Variants in NUF2 observed in about 807,000 individuals in gnomAD.
The protein encoded by NUF2 is NUF2 component of NDC80 kinetochore complex.
NUF2 carries 34 observed loss-of-function variants against 61.8 expected under a neutral mutation model. That is an observed-to-expected ratio of 0.55 (90% CI 0.42 to 0.73). The LOEUF (loss-of-function observed/expected upper bound fraction) is 0.73, where lower values mean the gene tolerates loss of function less well. NUF2 is among the 30% of genes least tolerant of loss of function. The pLI is 0.00. For synonymous variants in NUF2, 172 were observed against 181.6 expected, an observed-to-expected ratio of 0.95 and a Z score of 0.42; for missense variants, 445 against 539.1, an observed-to-expected ratio of 0.83 and a Z score of 1.73.
chr1:163,322,717 T>A (rs1474890042), intron 1 of NUF2: 2 of 152,216 alleles, frequency 1.3e-5, no homozygotes, highest in East Asian at 3.8e-4. Flanking sequence ...TTTAACAGAG[T>A]ACTTTTAGTA....
At position 163,324,900 on chromosome 1, in the gene NUF2, C is replaced by CTTTTTTTTTTTTTTT. The variant is rs67548511; in HGVS notation, c.-20-1128_-20-1114dup. 1.6e-5 allele frequency among the ~76,000 whole-genome samples: 2 copies of CTTTTTTTTTTTTTTT among 122,974 alleles called. 1 individual carries two copies. Among genetic ancestry groups the CTTTTTTTTTTTTTTT allele is most frequent in the Non-Finnish European group, 3.5e-5 (2 of 57,758 alleles). 80.7% of individuals were successfully genotyped at this position (122,974 alleles called of 152,430 possible). On this transcript the variant is annotated intron_variant, in intron 1 of 13. Coordinates refer to ENST00000271452, the MANE Select transcript of NUF2 (RefSeq NM_145697.3). Reference sequence around the variant, plus strand: ...GGACAAGGTTTCTTTTCTTTTCTTTCTTTTTTTTTTTTTTTTTTGACACAG... The same window carrying CTTTTTTTTTTTTTTT: ...GGACAAGGTTTCTTTTCTTTTCTTTCTTTTTTTTTTTTTTTTTTTTTTTTTTTTTTTTTGACACAG...
chr1:163,340,233 C>T (rs896315494), intron 8 of NUF2, 131 bp from the exon 9 acceptor site: 2 of 679,422 alleles, frequency 2.9e-6, no homozygotes, highest in African/African-American at 3.7e-5. Flanking sequence ...GCATCATGAA[C>T]AGAGAAAGTT....
chr1:163,322,553 A>G (rs1213577621), intron 1 of NUF2, among the ~76,000 whole-genome samples: 1 of 152,250 alleles, frequency 6.6e-6, no homozygotes, highest in African/African-American at 2.4e-5. Context: ...CTACGCATGC[A>G]TAACGCCATC....
chr1:163,328,859 C>T lies in NUF2; in HGVS notation c.289C>T (p.Pro97Ser). ...NLVTHLDSFL[P>S]ICRVNDFETA... ...TTCATCTTCAAGGGACTCATTTTTG[C>T]CTATCTGCCGGGTGAATGACTTTGA... Residue 97 changes from proline (P) to serine (S), a missense_variant, in exon 5 of 14, where the codon CCT becomes TCT. By Grantham distance (74) the Pro-to-Ser change is moderately conservative. Transcript: ENST00000271452. 1 of 1,603,820 alleles carries T rather than the reference C, an allele frequency of 6.2e-7. No homozygotes were observed. Among genetic ancestry groups the T allele is most frequent in the Non-Finnish European group, 8.5e-7 (1 of 1,172,128 alleles).
intron 11 of NUF2, among the ~76,000 whole-genome samples, chr1:163,347,095 A>C: frequency 6.6e-6 from 1 of 152,250 alleles, no homozygotes; most frequent in East Asian, 1.9e-4. Flanking sequence ...TGATCTTAGC[A>C]TCAGAAAGTT....
At chr1:163,332,801 A>G (rs75571977) in intron 5 of NUF2, among the ~76,000 whole-genome samples, 68 of 152,266 alleles carry the variant, frequency 4.5e-4, no homozygotes, top group African/African-American at 1.5e-3. Context: ...TTCTCATTTC[A>G]AGATCTTCAA....
intron 8 of NUF2, chr1:163,340,161 G>A (rs1367301578): frequency 7.9e-6 from 4 of 505,014 alleles, no homozygotes; most frequent in Non-Finnish European, 1.4e-5. Flanking sequence ...ATAAATACTA[G>A]GCCATTATTT....
rs1261693336 is a variant in NUF2, at chr1:163,345,722, C to T, written c.852C>T (p.Asp284=). The T allele has an allele frequency of 1.2e-6, 2 of 1,612,484 alleles. No homozygotes were observed. The highest frequency in any genetic ancestry group is 2.2e-5 in the East Asian group (1 of 44,802). The part of the protein sequence containing the change: ...EKYEIYGDSV[D]CLPSCQLEVQ... Reference sequence around the variant, plus strand: ...ATGAAATCTATGGAGACTCAGTTGACTGCCTGCCTTCATGTCAGTTGGAAG... The same window carrying T: ...ATGAAATCTATGGAGACTCAGTTGATTGCCTGCCTTCATGTCAGTTGGAAG... Residue 284 remains aspartate, a synonymous_variant, in exon 11 of 14, where the codon GAC becomes GAT. Transcript: ENST00000271452.
At chr1:163,333,798 A>G (rs559518284) in intron 5 of NUF2, among the ~76,000 whole-genome samples, 1 of 152,312 alleles carries the variant, frequency 6.6e-6, no homozygotes, top group South Asian at 2.1e-4. Context: ...TGAAACAGTT[A>G]TCTTTTAAAG....
Position 163,334,837 on chromosome 1 carries a change from G to A in NUF2, c.338-1914G>A, listed in dbSNP as rs984642334. On this transcript the variant is annotated intron_variant, in intron 5 of 13. Coordinates refer to ENST00000271452, the MANE Select transcript of NUF2 (RefSeq NM_145697.3). Reference sequence around the variant, plus strand: ...AAAAGGTGTTTTTCTTGAGCCCTCGGTGGATATGAAAAGTCAACTTTTCAA... The same window carrying A: ...AAAAGGTGTTTTTCTTGAGCCCTCGATGGATATGAAAAGTCAACTTTTCAA... 2.0e-5 allele frequency among the ~76,000 whole-genome samples: 3 copies of A among 152,256 alleles called. No homozygotes were observed. The East Asian group carries it at 5.8e-4, about 29-fold the overall frequency.
chr1:163,348,823 G>A, intron 12 of NUF2, 122 bp from the exon 13 acceptor site: 1 of 1,024,992 alleles, frequency 9.8e-7, no homozygotes, highest in Non-Finnish European at 1.4e-6. Context: ...TTTATATCTT[G>A]AGAAGAGTTT....
chr1:163,328,470 C>T (rs570886360), intron 4 of NUF2, 166 bp downstream of exon 4: 1 of 530,584 alleles, frequency 1.9e-6, no homozygotes, highest in Admixed American at 3.7e-5. Flanking sequence ...TGTCATCAAA[C>T]AGAACTGCCT....
chr1:163,330,582 G>A, intron 5 of NUF2, among the ~76,000 whole-genome samples: 1 of 151,954 alleles, frequency 6.6e-6, no homozygotes, highest in Non-Finnish European at 1.5e-5. Flanking sequence ...TTTCCAGCTT[G>A]TCACTTTCTA....
Position 163,327,512 on chromosome 1 carries a change from A to G in NUF2, c.148A>G (p.Met50Val). ...PKPEVLHMIYMRALQIVYGIR... is the reference protein window; with the variant it reads ...PKPEVLHMIYVRALQIVYGIR... ...GCCTGAAGTCTTGCACATGATCTAC[A>G]TGAGAGCCTTACAAATAGTATATGG... Residue 50 changes from methionine (M) to valine (V), a missense_variant, in exon 3 of 14, where the codon ATG (methionine) becomes GTG (valine). By Grantham distance (21) the Met-to-Val change is conservative (BLOSUM62 1). Coordinates refer to ENST00000271452, the MANE Select transcript of NUF2 (RefSeq NM_145697.3). The G allele has an allele frequency of 6.2e-7, 1 of 1,612,250 alleles. No homozygotes were observed. The highest frequency in any genetic ancestry group is 8.5e-7 in the Non-Finnish European group (1 of 1,178,462).
intron 13 of NUF2, among the ~76,000 whole-genome samples, chr1:163,352,808 G>A (rs1031430402): frequency 1.3e-5 from 2 of 152,074 alleles, no homozygotes; most frequent in African/African-American, 4.8e-5. Flanking sequence ...GGAGCTTGCA[G>A]CGAGCTGAGA....
In NUF2 at chr1:163,322,039, G is replaced by A. The variant is rs1181074932; in HGVS notation, c.-194G>A. On this transcript the variant is annotated 5_prime_UTR_variant, in exon 1 of 14. Coordinates refer to ENST00000271452, the MANE Select transcript of NUF2 (RefSeq NM_145697.3). ...CTTGTAGCTGCTCCCCGAACTCGCC[G>A]TCTTCCTGTCGGCGGCCGGCACTGT... The A allele has an allele frequency of 1.3e-5, 2 of 152,276 alleles. No homozygotes were observed. Among genetic ancestry groups the A allele is most frequent in the African/African-American group, 2.4e-5 (1 of 41,448 alleles). 9.4% of individuals were successfully genotyped at this position (152,276 alleles called of 1,614,324 possible).
At chr1:163,335,145 G>A (rs1650715459) in intron 5 of NUF2, among the ~76,000 whole-genome samples, 1 of 151,954 alleles carries the variant, frequency 6.6e-6, no homozygotes, top group Non-Finnish European at 1.5e-5. Context: ...GTAGAGAAGG[G>A]GTTTCATCAT....
intron 9 of NUF2, 147 bp from the exon 10 acceptor site, chr1:163,343,586 C>G: frequency 5.5e-6 from 2 of 364,830 alleles, no homozygotes; most frequent in Non-Finnish European, 1.0e-5. Context: ...CAAATGTGAG[C>G]AATTAAGTAG....
chr1:163,324,900 C>CTTTCTTTCT (rs1650365007), intron 1 of NUF2, among the ~76,000 whole-genome samples: 3 of 122,984 alleles, frequency 2.4e-5, no homozygotes, highest in Non-Finnish European at 5.2e-5. Flanking sequence ...TCTTTTCTTT[C>CTTTCTTTCT]TTTTTTTTTT....
Sources: allele counts gnomAD v4.1 joint callset (sites outside exome capture counted in the v4.1 genomes callset), GRCh38; gene constraint gnomAD v4.1.1; transcripts MANE v1.5; gene names NCBI Gene and HGNC (gene_info 2026-07-23, HGNC 2026-07-21).